The following CAGE1 variants were observed in gnomAD, a reference collection of about 807,000 sequenced individuals.
The protein encoded by CAGE1 is cancer-associated gene 1 protein.
CAGE1 carries 66 observed loss-of-function variants against 94.9 expected under a neutral mutation model. The observed-to-expected ratio is 0.70, with a 90% CI of 0.57 to 0.85. The LOEUF (loss-of-function observed/expected upper bound fraction) is 0.85. CAGE1 is among the 40% of genes least tolerant of loss of function. CAGE1 has a pLI of 0.00. For synonymous variants in CAGE1, 319 were observed against 321.0 expected, an observed-to-expected ratio of 0.99 and a Z score of 0.07; for missense variants, 865 against 950.4, an observed-to-expected ratio of 0.91 and a Z score of 1.18.
At chr6:7,349,092 G>T (rs139898984) in intron 11 of CAGE1, among the ~76,000 whole-genome samples, 1 of 152,122 alleles carries the variant, frequency 6.6e-6, no homozygotes, top group African/African-American at 2.4e-5. Context: ...AAAGATCATC[G>T]CCTAGGTACA....
chr6:7,335,980 T>C (rs1463806018), intron 11 of CAGE1, among the ~76,000 whole-genome samples: 4 of 152,364 alleles, frequency 2.6e-5, no homozygotes, highest in Non-Finnish European at 5.9e-5. Context: ...AAATATTATA[T>C]GGACAAAACA....
chr6:7,350,242 T>G (rs1358161843), intron 11 of CAGE1, among the ~76,000 whole-genome samples: 1 of 152,010 alleles, frequency 6.6e-6, no homozygotes, highest in South Asian at 2.1e-4. Flanking sequence ...ACACTGGAGC[T>G]CCCAAATTTA....
At chr6:7,370,503 C>T (rs1760503221) in intron 5 of CAGE1, among the ~76,000 whole-genome samples, 1 of 152,048 alleles carries the variant, frequency 6.6e-6, no homozygotes, top group African/African-American at 2.4e-5. Flanking sequence ...CACCATGTTG[C>T]CCAGGCTGGT....
At position 7,347,707 on chromosome 6, in the gene CAGE1, C is replaced by T. The variant is rs182146734; in HGVS notation, c.2369+7334G>A. 9.9e-5 allele frequency among the ~76,000 whole-genome samples: 15 copies of T among 152,068 alleles called. No individual in the cohort carries two copies. In the East Asian group the frequency reaches 2.7e-3, roughly 28 times the overall value. ...GTTCTCAAGCCCTGCTCACCCACTG[C>T]CTGGAAACAGACTGTAAAAGGGGGC... On this transcript the variant is annotated intron_variant, in intron 11 of 13. Transcript: ENST00000502583.
rs1264134177 is a variant in CAGE1, at chr6:7,328,924, A to AT, written c.2478+924dup. ...TGTGTGTGTGTGTGTGTGTGTATAT[A>AT]TATATATATATTTTTTTTTTTTTTT... On this transcript the variant is annotated intron_variant, in intron 13 of 13. Coordinates refer to ENST00000502583, the MANE Select transcript of CAGE1 (RefSeq NM_001170692.2). Among the ~76,000 whole-genome samples the AT allele has an allele frequency of 2.8e-3, 205 of 74,114 alleles. 10 individuals carry two copies. Among genetic ancestry groups the AT allele is most frequent in the East Asian group, 0.027 (38 of 1,410 alleles). 48.6% of individuals were successfully genotyped at this position (74,114 alleles called of 152,430 possible).
intron 3 of CAGE1, among the ~76,000 whole-genome samples, chr6:7,379,829 C>T (rs747348562): frequency 6.6e-6 from 1 of 152,138 alleles, no homozygotes; most frequent in Non-Finnish European, 1.5e-5. Flanking sequence ...CTTAATGTCT[C>T]AGTACTTTTT....
rs1014942008 is a variant in CAGE1 at position 7,354,097 on chromosome 6, AAAAAT to A, written c.2369+939_2369+943del. 7.9e-5 allele frequency among the ~76,000 whole-genome samples: 12 copies of A among 152,256 alleles called. No homozygotes were observed. The East Asian group carries it at 9.6e-4, about 12-fold the overall frequency. On this transcript the variant is annotated intron_variant, in intron 11 of 13. Transcript: ENST00000502583. The stretch of plus-strand genomic sequence containing the variant: ...CCCAATAACCTACGGAAAAAAAACA[AAAAAT>A]AAAATAAAATAAAAATAAAAATAAC...
intron 11 of CAGE1, among the ~76,000 whole-genome samples, chr6:7,342,805 T>C (rs1036244962): frequency 1.3e-5 from 2 of 152,186 alleles, no homozygotes; most frequent in African/African-American, 4.8e-5. Flanking sequence ...CCTTGATCCA[T>C]CTTGAGTTGA....
At chr6:7,360,106 A>C (rs973060457) in intron 9 of CAGE1, among the ~76,000 whole-genome samples, 3 of 152,170 alleles carry the variant, frequency 2.0e-5, no homozygotes, top group Non-Finnish European at 2.9e-5. Context: ...TTAGTAGTCA[A>C]ATCTCCCTCT....
At chr6:7,340,619 C>T (rs938338970) in intron 11 of CAGE1, among the ~76,000 whole-genome samples, 1 of 152,150 alleles carries the variant, frequency 6.6e-6, no homozygotes, top group Non-Finnish European at 1.5e-5. Flanking sequence ...CTTCCAAAGA[C>T]AGCAGGCACT....
intron 4 of CAGE1, among the ~76,000 whole-genome samples, chr6:7,374,522 A>AC (rs1422312489): frequency 6.7e-6 from 1 of 148,478 alleles, no homozygotes; most frequent in Non-Finnish European, 1.5e-5. Context: ...TACCTTACAG[A>AC]CTGCAAGTTC....
chr6:7,368,569 C>A lies in CAGE1; in HGVS notation c.2004+119G>T. ...TAGTGAGGGGCACAGTAAAACTAAT[C>A]TGGTCCCCCAAAATAATTTTTAAAA... On this transcript the variant is annotated intron_variant, in intron 7 of 13. Transcript: ENST00000502583. 7.4e-6 allele frequency: 4 copies of A among 542,768 alleles called. No individual in the cohort carries two copies. The East Asian group carries it at 1.3e-4, about 17-fold the overall frequency. 33.6% of individuals were successfully genotyped at this position (542,768 alleles called of 1,614,324 possible). A position where few individuals can be genotyped will look rare whatever the true frequency, so the allele number is the denominator to read the frequency against.
At chr6:7,348,228 TAGAC>T (rs1759639771) in intron 11 of CAGE1, among the ~76,000 whole-genome samples, 1 of 152,154 alleles carries the variant, frequency 6.6e-6, no homozygotes, top group African/African-American at 2.4e-5. Context: ...CTGATATCCA[TAGAC>T]AGTTCACATC....
intron 3 of CAGE1, among the ~76,000 whole-genome samples, chr6:7,383,164 T>TTTCCC (rs1761001170): frequency 6.6e-6 from 1 of 152,214 alleles, no homozygotes. Flanking sequence ...AAGACATGCC[T>TTTCCC]TGCTTCCTGT....
chr6:7,344,604 G>T (rs1038243334), intron 11 of CAGE1, among the ~76,000 whole-genome samples: 1 of 151,964 alleles, frequency 6.6e-6, no homozygotes, highest in Admixed American at 6.5e-5. Flanking sequence ...GAGTGCGGGC[G>T]TACGGCCCGA....
At chr6:7,364,890 T>C (rs1327054578) in intron 9 of CAGE1, among the ~76,000 whole-genome samples, 1 of 152,250 alleles carries the variant, frequency 6.6e-6, no homozygotes, top group Non-Finnish European at 1.5e-5. Flanking sequence ...TGCTGCTTTT[T>C]AATCATTTAA....
chr6:7,356,188 G>T, intron 9 of CAGE1, 59 bp from the exon 10 acceptor site: 1 of 884,832 alleles, frequency 1.1e-6, no homozygotes, highest in Non-Finnish European at 1.8e-6. Flanking sequence ...GCTATATATG[G>T]ATGCCAAGAA....
intron 11 of CAGE1, among the ~76,000 whole-genome samples, chr6:7,344,685 C>G (rs939687677): frequency 7.2e-5 from 11 of 152,248 alleles, no homozygotes; most frequent in Non-Finnish European, 1.6e-4. Flanking sequence ...GCTTCTGAGT[C>G]TGGTGGGAAG....
rs1760845800 is a variant in CAGE1 at position 7,378,914 on chromosome 6, T to C, written c.390A>G (p.Val130=). 3.1e-6 allele frequency: 5 copies of C among 1,606,698 alleles called. No homozygotes were observed. Among genetic ancestry groups the C allele is most frequent in the Non-Finnish European group, 4.3e-6 (5 of 1,175,770 alleles). The change falls in exon 4 of 14, where the codon GTA becomes GTG. Residue 130 remains valine, a synonymous_variant. Coordinates refer to ENST00000502583, the MANE Select transcript of CAGE1 (RefSeq NM_001170692.2). ...CTGTCATTTCATCATCAAATGCTTCTACCCAGTGAAATTTGCAAACGGTTT... is the reference window on the plus strand; with the variant it reads ...CTGTCATTTCATCATCAAATGCTTCCACCCAGTGAAATTTGCAAACGGTTT... ...QFETVCKFHW[V]EAFDDEMTEK...
Sources: gnomAD v4.1 joint callset for allele counts (sites outside exome capture counted in the v4.1 genomes callset) on GRCh38, gnomAD v4.1.1 for gene constraint, MANE v1.5 for transcripts, NCBI Gene and HGNC (gene_info 2026-07-23, HGNC 2026-07-21) for gene names.